Variants in CASZ1 observed in about 807,000 individuals in gnomAD.
CASZ1 encodes the protein zinc finger protein castor homolog 1.
In CASZ1, 28 loss-of-function variants were observed where a neutral mutation model predicts 135.2. The observed-to-expected ratio is 0.21, with a 90% CI of 0.15 to 0.28. CASZ1 has a LOEUF of 0.28. Among genes scored for constraint, CASZ1 ranks in the 10% least tolerant of loss-of-function variants. The pLI is 1.00. For synonymous variants in CASZ1, 1,068 were observed against 1,073.4 expected (o/e 0.99, Z 0.10); for missense variants, 2,161 against 2,453.3 (o/e 0.88, Z 2.52).
At chr1:10,691,106 CTTTTT>C (rs1156824348) in intron 4 of CASZ1, among the ~76,000 whole-genome samples, 2 of 129,934 alleles carry the variant, frequency 1.5e-5, no homozygotes, top group Non-Finnish European at 3.3e-5. Flanking sequence ...CCTCTCTTTC[CTTTTT>C]TTTTTATTAG....
intron 1 of CASZ1, among the ~76,000 whole-genome samples, chr1:10,778,905 T>C (rs905372788): frequency 6.6e-6 from 1 of 152,132 alleles, no homozygotes; most frequent in African/African-American, 2.4e-5. Flanking sequence ...CAACCCTTTC[T>C]CCCTGGGCCC....
intron 2 of CASZ1, among the ~76,000 whole-genome samples, chr1:10,751,919 C>A (rs1345257331): frequency 6.6e-6 from 1 of 152,212 alleles, no homozygotes; most frequent in Non-Finnish European, 1.5e-5. Flanking sequence ...TGGACCTCCA[C>A]CAGCTGGCAG....
Position 10,748,259 on chromosome 1 carries a change from A to T in CASZ1, c.-77+12442T>A, listed in dbSNP as rs78140241. 9.1e-3 allele frequency among the ~76,000 whole-genome samples: 1,379 copies of T among 152,220 alleles called. 25 individuals are homozygous for T. Among genetic ancestry groups the T allele is most frequent in the African/African-American group, 0.032 (1,310 of 41,552 alleles). On this transcript the variant is annotated intron_variant, in intron 2 of 20. Transcript: ENST00000377022. Reference sequence around the variant, plus strand: ...GGGTGGCAGGCCGAGCCCTGTGTGTATACCATGTTCTTCACCTATCCTGGG... The same window carrying T: ...GGGTGGCAGGCCGAGCCCTGTGTGTTTACCATGTTCTTCACCTATCCTGGG...
At position 10,654,014 on chromosome 1, in the gene CASZ1, G is replaced by A; in HGVS notation, c.2043C>T (p.Ser681=). 2 of 1,614,238 alleles carry A rather than the reference G, an allele frequency of 1.2e-6. No homozygotes were observed. Among genetic ancestry groups the A allele is most frequent in the Non-Finnish European group, 8.5e-7 (1 of 1,180,036 alleles). The change falls in exon 11 of 21, where the codon TCC becomes TCT. Residue 681 remains serine (S), a synonymous_variant. Transcript: ENST00000377022. The stretch of plus-strand genomic sequence containing the variant: ...GCTTGTGAGAGGTCATCTGGCTGGT[G>A]GAGGTGAAGGTGAAGCCGCAGCCGG... ...IRAGCGFTFT[S]TSQMTSHKRK...
intron 5 of CASZ1, among the ~76,000 whole-genome samples, chr1:10,661,940 C>T (rs1643046816): frequency 6.6e-6 from 1 of 150,846 alleles, no homozygotes; most frequent in Admixed American, 6.6e-5. Context: ...CAGTCGCATG[C>T]ACTCATACGC....
In CASZ1 at chr1:10,639,782, G is replaced by T; in HGVS notation, c.4440C>A (p.His1480Gln). The change falls in exon 21 of 21, where the codon CAC becomes CAA. Residue 1480 changes from histidine (H) to glutamine (Q), a missense_variant. Physicochemically the swap from His to Gln is conservative, Grantham distance 24. This residue lies in a region of CASZ1 where 240 missense variants were observed against 321.4 expected (regional missense o/e 0.75). Transcript: ENST00000377022. The surrounding 1 kb of genome is among the most constrained non-coding windows in gnomAD (Gnocchi z 4.0). ...GRTHMYKHAQ[H>Q]HDRVDNLVLD... ...GCACCAGGTTGTCCACGCGGTCGTG[G>T]TGCTGCGCGTGCTTGTACATGTGCG... 6.2e-7 allele frequency: 1 copy of T among 1,603,788 alleles called. No individual in the cohort carries two copies. The highest frequency in any genetic ancestry group is 8.5e-7 in the Non-Finnish European group (1 of 1,175,694).
chr1:10,773,322 G>A (rs910704412), intron 1 of CASZ1, among the ~76,000 whole-genome samples: 8 of 151,862 alleles, frequency 5.3e-5, no homozygotes, highest in South Asian at 2.1e-4. Context: ...AGGCAGCCTC[G>A]GATCTTCAGG....
chr1:10,708,181 T>C (rs1414469481), intron 2 of CASZ1, among the ~76,000 whole-genome samples: 1 of 152,214 alleles, frequency 6.6e-6, no homozygotes, highest in Non-Finnish European at 1.5e-5. Context: ...GCTTCCAGGC[T>C]ATGGGGCTGA....
At chr1:10,783,246 A>AGTGTGT (rs70997266) in intron 1 of CASZ1, among the ~76,000 whole-genome samples, 121 of 148,146 alleles carry the variant, frequency 8.2e-4, no homozygotes, top group East Asian at 4.2e-3. Flanking sequence ...CCAGTGGAGA[A>AGTGTGT]GTGTGTGTGT....
chr1:10,795,751 C>T lies in CASZ1; in HGVS notation c.-234+813G>A, dbSNP rs979363467. Among the ~76,000 whole-genome samples the T allele has an allele frequency of 2.0e-5, 3 of 151,904 alleles. No homozygotes were observed. In the East Asian group the frequency reaches 5.8e-4, roughly 30 times the overall value. On this transcript the variant is annotated intron_variant, in intron 1 of 20. Transcript: ENST00000377022. ...GGAGTGAGGAACGCCACTTGCCGCG[C>T]CTGGAGCAGCGCACTTGAGATAAAC... is the stretch of plus-strand genomic sequence containing the variant.
In CASZ1 at chr1:10,639,548, G is replaced by C. The variant is rs772910102; in HGVS notation, c.4674C>G (p.Ala1558=). The change falls in exon 21 of 21, where the codon GCC becomes GCG. Residue 1558 remains alanine, a synonymous_variant. Transcript: ENST00000377022. The surrounding 1 kb of genome is among the most constrained non-coding windows in gnomAD (Gnocchi z 4.0). ...FCQFSSSADC[A]VPDCKYKLKC... is the part of the protein sequence containing the mutation. ...TGAGCTTGTACTTGCAGTCGGGCAC[G>C]GCGCAGTCGGCGCTGGAGCTGAACT... 12 of 1,610,616 alleles carry C rather than the reference G, an allele frequency of 7.5e-6. No individual in the cohort carries two copies. The South Asian group carries it at 1.2e-4, about 16-fold the overall frequency.
At chr1:10,718,021 C>A (rs570053842) in intron 2 of CASZ1, among the ~76,000 whole-genome samples, 3 of 152,360 alleles carry the variant, frequency 2.0e-5, no homozygotes, top group East Asian at 3.9e-4. Context: ...CTCAGCAAAG[C>A]CTGACTTCAC....
chr1:10,728,825 G>A (rs962275102), intron 2 of CASZ1, among the ~76,000 whole-genome samples: 4 of 152,076 alleles, frequency 2.6e-5, no homozygotes, highest in African/African-American at 9.7e-5. Context: ...CCTGGCCGGC[G>A]CTTGAAGACT....
chr1:10,783,822 A>G (rs1413309943), intron 1 of CASZ1, among the ~76,000 whole-genome samples: 1 of 143,142 alleles, frequency 7.0e-6, no homozygotes, highest in Non-Finnish European at 1.5e-5. Context: ...CAGCAAGCCT[A>G]GATCGTGCCA....
intron 2 of CASZ1, among the ~76,000 whole-genome samples, chr1:10,736,350 G>A (rs778811523): frequency 2.6e-5 from 4 of 152,194 alleles, no homozygotes; most frequent in East Asian, 1.9e-4. Flanking sequence ...AGCAGGCAAC[G>A]AGACGGGAGC....
At position 10,654,103 on chromosome 1, in the gene CASZ1, C is replaced by G; in HGVS notation, c.1954G>C (p.Glu652Gln). Residue 652 changes from glutamate to glutamine, a missense_variant, in exon 11 of 21, where the codon GAG (glutamate) becomes CAG (glutamine). Coordinates refer to ENST00000377022, the MANE Select transcript of CASZ1 (RefSeq NM_001079843.3). Reference protein sequence around the residue: ...KDGFKKFYKYEECKYEGCVYS... With the variant: ...KDGFKKFYKYQECKYEGCVYS... ...ACGCAGCCCTCGTACTTGCACTCCT[C>G]GTACTTGTAGAACTTCTTGAAGCCG... The G allele has an allele frequency of 6.2e-7, 1 of 1,614,218 alleles. No individual in the cohort carries two copies. The highest frequency in any genetic ancestry group is 1.1e-5 in the South Asian group (1 of 91,090).
At chr1:10,681,191 G>A (rs894706276) in intron 4 of CASZ1, among the ~76,000 whole-genome samples, 16 of 150,610 alleles carry the variant, frequency 1.1e-4, no homozygotes, top group East Asian at 1.9e-4. Context: ...AGGAGCCACC[G>A]TGCCTGACCT....
At chr1:10,668,532 A>C (rs931356968) in intron 4 of CASZ1, among the ~76,000 whole-genome samples, 1 of 152,036 alleles carries the variant, frequency 6.6e-6, no homozygotes, top group African/African-American at 2.4e-5. Context: ...GGGAGAGGCG[A>C]GGGGAGGGGC....
Position 10,783,890 on chromosome 1 carries a change from A to AAAC in CASZ1, c.-234+12673_-234+12674insGTT, listed in dbSNP as rs1640808743. 4.6e-5 allele frequency among the ~76,000 whole-genome samples: 7 copies of AAAC among 151,702 alleles called. No individual in the cohort carries two copies. The South Asian group carries it at 1.5e-3, about 32-fold the overall frequency. ...CCGTCTCAAAAAAAAAAAAAAAAAA[A>AAAC]AAACCTACAATTATAATCATCAAGA... is the stretch of plus-strand genomic sequence containing the variant. On this transcript the variant is annotated intron_variant, in intron 1 of 20. Coordinates refer to ENST00000377022, the MANE Select transcript of CASZ1 (RefSeq NM_001079843.3).
Sources: gnomAD v4.1 joint callset for allele counts (sites outside exome capture counted in the v4.1 genomes callset) on GRCh38, gnomAD v4.1.1 for gene constraint, gnomAD v4.1.1 regional missense constraint, Gnocchi (gnomAD v3.1) non-coding constraint, MANE v1.5 for transcripts, NCBI Gene and HGNC (gene_info 2026-07-23, HGNC 2026-07-21) for gene names.